SPAG16: variants seen among roughly 807,000 people sequenced by gnomAD.
SPAG16 encodes sperm associated antigen 16.
Under a neutral mutation model 80.4 loss-of-function variants are expected in SPAG16, and 86 were observed. The observed-to-expected ratio is 1.07, with a 90% CI of 0.90 to 1.28. SPAG16 has a LOEUF of 1.28. SPAG16 is among the 50% of genes most tolerant of loss of function. The pLI is 0.00. For missense variants in SPAG16, 870 were observed against 765.3 expected (o/e 1.14, Z -1.61); for synonymous variants, 294 against 265.9 (o/e 1.11, Z -1.03).
At chr2:213,425,697 C>T (rs144250647) in intron 9 of SPAG16, among the ~76,000 whole-genome samples, 2 of 150,280 alleles carry the variant, frequency 1.3e-5, no homozygotes, top group Admixed American at 1.3e-4. Context: ...CAGGAAAAGT[C>T]GTGTATTTCC....
intron 10 of SPAG16, among the ~76,000 whole-genome samples, chr2:213,793,850 A>G (rs915420127): frequency 2.0e-5 from 3 of 152,104 alleles, no homozygotes; most frequent in Admixed American, 1.3e-4. Context: ...TCCATTATCT[A>G]CCTATATAAT....
intron 15 of SPAG16, among the ~76,000 whole-genome samples, chr2:214,220,846 C>T (rs1297725794): frequency 6.6e-6 from 1 of 152,074 alleles, no homozygotes; most frequent in Admixed American, 6.6e-5. Context: ...ATTTTATATT[C>T]TATCCTTTAT....
chr2:213,661,539 A>T lies in SPAG16; in HGVS notation c.1070+171449A>T, dbSNP rs1003741849. Among the ~76,000 whole-genome samples the T allele has an allele frequency of 5.3e-5, 8 of 152,308 alleles. No individual in the cohort carries two copies. The South Asian group carries it at 1.7e-3, about 32-fold the overall frequency. ...ATTATACTCAAACTTAAATAGATTGATCAATATTTAATGGGCTTCAGCATG... is the reference window on the plus strand; with the variant it reads ...ATTATACTCAAACTTAAATAGATTGTTCAATATTTAATGGGCTTCAGCATG... On this transcript the variant is annotated intron_variant, in intron 10 of 15. Coordinates refer to ENST00000331683, the MANE Select transcript of SPAG16 (RefSeq NM_024532.5).
At chr2:213,795,474 A>T (rs1454801788) in intron 10 of SPAG16, among the ~76,000 whole-genome samples, 1 of 152,174 alleles carries the variant, frequency 6.6e-6, no homozygotes, top group African/African-American at 2.4e-5. Flanking sequence ...TTCACACACA[A>T]AACATTCTGC....
intron 10 of SPAG16, among the ~76,000 whole-genome samples, chr2:213,817,670 G>A (rs866012296): frequency 2.6e-5 from 4 of 151,946 alleles, no homozygotes; most frequent in South Asian, 2.1e-4. Flanking sequence ...GAATGAAATC[G>A]TGTCCTTTGC....
At chr2:214,379,855 CTTCA>C (rs2126104998) in intron 15 of SPAG16, among the ~76,000 whole-genome samples, 1 of 152,312 alleles carries the variant, frequency 6.6e-6, no homozygotes, top group South Asian at 2.1e-4. Flanking sequence ...AATTCTTCCT[CTTCA>C]TTATCTTTCT....
intron 13 of SPAG16, among the ~76,000 whole-genome samples, chr2:214,035,618 G>T (rs1182398276): frequency 3.9e-5 from 6 of 152,210 alleles, no homozygotes; most frequent in African/African-American, 1.4e-4. Flanking sequence ...TGCGCCAGGA[G>T]CAGGGAGAGG....
intron 10 of SPAG16, among the ~76,000 whole-genome samples, chr2:213,644,887 G>A (rs1229910931): frequency 1.3e-5 from 2 of 152,036 alleles, no homozygotes; most frequent in Admixed American, 6.6e-5. Flanking sequence ...AAGGCCTTGT[G>A]GCTCTACACT....
chr2:213,872,768 T>C (rs2076002358), intron 11 of SPAG16, among the ~76,000 whole-genome samples: 1 of 152,116 alleles, frequency 6.6e-6, no homozygotes, highest in South Asian at 2.1e-4. Flanking sequence ...TATTTCTATT[T>C]CTAGTCGAAT....
At chr2:214,045,581 G>A (rs530537168) in intron 13 of SPAG16, among the ~76,000 whole-genome samples, 2 of 152,274 alleles carry the variant, frequency 1.3e-5, no homozygotes, top group Admixed American at 1.3e-4. Context: ...GCACCAAGCA[G>A]GCTGTCCTGA....
chr2:213,941,668 C>G (rs2079204612), intron 12 of SPAG16, among the ~76,000 whole-genome samples: 1 of 152,108 alleles, frequency 6.6e-6, no homozygotes, highest in Non-Finnish European at 1.5e-5. Flanking sequence ...TTCTAGACCA[C>G]TTTACTTCCT....
intron 5 of SPAG16, among the ~76,000 whole-genome samples, chr2:213,334,610 G>A (rs1252935696): frequency 2.0e-5 from 3 of 152,202 alleles, no homozygotes; most frequent in African/African-American, 7.2e-5. Flanking sequence ...ATATGTAATG[G>A]AGAACTGTTC....
At chr2:214,356,698 T>C (rs1698827366) in intron 15 of SPAG16, among the ~76,000 whole-genome samples, 1 of 151,990 alleles carries the variant, frequency 6.6e-6, no homozygotes, top group African/African-American at 2.4e-5. Context: ...TTCAGAACCA[T>C]GCAAGAACCT....
rs577437673 is a variant in SPAG16 at position 213,909,415 on chromosome 2, C to A, written c.1215-20545C>A. ...TGGAGCCAAAAAAGAGCCCGCATCG[C>A]CAAGTCAATCCTAAGCCAAAAGAAT... On this transcript the variant is annotated intron_variant, in intron 11 of 15. Coordinates refer to ENST00000331683, the MANE Select transcript of SPAG16 (RefSeq NM_024532.5). Among the ~76,000 whole-genome samples, 71 of 152,284 alleles carry A rather than the reference C, an allele frequency of 4.7e-4. 1 individual carries two copies. Among genetic ancestry groups the A allele is most frequent in the African/African-American group, 1.7e-3 (69 of 41,548 alleles).
intron 15 of SPAG16, among the ~76,000 whole-genome samples, chr2:214,269,642 G>C (rs572213230): frequency 2.2e-4 from 33 of 152,128 alleles, no homozygotes; most frequent in Admixed American, 7.9e-4. Context: ...GAATTATATT[G>C]CATGTATTTT....
At chr2:213,711,453 TC>T (rs2065982056) in intron 10 of SPAG16, among the ~76,000 whole-genome samples, 1 of 152,024 alleles carries the variant, frequency 6.6e-6, no homozygotes, top group African/African-American at 2.4e-5. Context: ...TTAAAATTTA[TC>T]CTAGTTATTT....
intron 7 of SPAG16, among the ~76,000 whole-genome samples, chr2:213,356,483 T>G (rs2065659795): frequency 1.3e-5 from 2 of 152,190 alleles, no homozygotes; most frequent in East Asian, 3.8e-4. Context: ...TGTGAGAGAG[T>G]GTGTGTCCAG....
At chr2:213,534,193 G>A (rs143453156) in intron 10 of SPAG16, among the ~76,000 whole-genome samples, 1 of 151,976 alleles carries the variant, frequency 6.6e-6, no homozygotes, top group Non-Finnish European at 1.5e-5. Flanking sequence ...CTACAATGGT[G>A]TTAATCTTTG....
At chr2:213,794,573 G>C (rs1227155814) in intron 10 of SPAG16, among the ~76,000 whole-genome samples, 1 of 151,976 alleles carries the variant, frequency 6.6e-6, no homozygotes, top group South Asian at 2.1e-4. Flanking sequence ...TATCTCCAAA[G>C]GCAGATATTG....
Sources: gnomAD v4.1 joint callset for allele counts (sites outside exome capture counted in the v4.1 genomes callset) on GRCh38, gnomAD v4.1.1 for gene constraint, MANE v1.5 for transcripts, NCBI Gene and HGNC (gene_info 2026-07-23, HGNC 2026-07-21) for gene names.